Variants in AMMECR1 observed in about 807,000 individuals in gnomAD.
AMMECR1 encodes the protein AMMECR nuclear protein 1, also known as nuclear protein AMMECR1.
AMMECR1 carries 3 observed loss-of-function variants against 22.5 expected under a neutral mutation model. That is an observed-to-expected ratio of 0.13 (90% CI 0.06 to 0.35). The LOEUF is 0.35. AMMECR1 is among the 10% of genes least tolerant of loss of function. AMMECR1 has a pLI of 1.00. For missense variants in AMMECR1, 235 were observed against 278.7 expected, an observed-to-expected ratio of 0.84 and a Z score of 1.12; for synonymous variants, 130 against 116.7, an observed-to-expected ratio of 1.11 and a Z score of -0.74.
At chrX:110,403,455 G>C (rs939501051) in intron 2 of AMMECR1, among the ~76,000 whole-genome samples, 9 of 111,559 alleles carry the variant, frequency 8.1e-5, no homozygotes, top group Non-Finnish European at 1.3e-4. Context: ...CAGACAGACA[G>C]ACACACACAC....
intron 2 of AMMECR1, among the ~76,000 whole-genome samples, chrX:110,249,708 T>C (rs2067677180): frequency 8.9e-6 from 1 of 111,994 alleles, no homozygotes; most frequent in Admixed American, 9.5e-5. Context: ...GAGACTATCC[T>C]GGCCAACATT....
At chrX:110,290,694 A>T (rs1308805652) in intron 1 of AMMECR1, among the ~76,000 whole-genome samples, 1 of 111,482 alleles carries the variant, frequency 9.0e-6, no homozygotes, top group African/African-American at 3.3e-5. Flanking sequence ...AATCAATGGC[A>T]TACAGAAGTT....
chrX:110,308,027 G>A (rs1379650063), intron 1 of AMMECR1, among the ~76,000 whole-genome samples: 1 of 107,120 alleles, frequency 9.3e-6, no homozygotes, highest in Non-Finnish European at 1.9e-5. Context: ...ATGCCATCAT[G>A]CTCAGCTAAG....
chrX:110,433,239 C>T (rs950784305), intron 1 of AMMECR1, among the ~76,000 whole-genome samples: 1 of 112,547 alleles, frequency 8.9e-6, no homozygotes, highest in Non-Finnish European at 1.9e-5. Context: ...TGTGCTGGTG[C>T]TTATGGGAGA....
chrX:110,227,481 A>G (rs1419518008), intron 2 of AMMECR1, among the ~76,000 whole-genome samples: 1 of 112,641 alleles, frequency 8.9e-6, no homozygotes, highest in African/African-American at 3.2e-5. Flanking sequence ...ACTGAGAAGG[A>G]GAAAGAGAAA....
chrX:110,291,029 A>C (rs1434031248), intron 1 of AMMECR1, among the ~76,000 whole-genome samples: 1 of 111,777 alleles, frequency 8.9e-6, no homozygotes, highest in African/African-American at 3.3e-5. Context: ...TTAAAAATTC[A>C]CTGCTCTTAA....
intron 1 of AMMECR1, chrX:110,309,394 G>A (rs1403688379): frequency 8.9e-6 from 1 of 111,976 alleles, no homozygotes; most frequent in Non-Finnish European, 1.9e-5. Context: ...CGAATGGCAA[G>A]GTGAACTATA....
intron 2 of AMMECR1, among the ~76,000 whole-genome samples, chrX:110,338,705 T>C (rs758341981): frequency 8.9e-6 from 1 of 111,782 alleles, no homozygotes; most frequent in Admixed American, 9.5e-5. Context: ...ATCCACTCAA[T>C]GGATTTTGTT....
intron 2 of AMMECR1, among the ~76,000 whole-genome samples, chrX:110,418,505 G>A (rs1049112679): frequency 8.9e-6 from 1 of 112,010 alleles, no homozygotes; most frequent in Non-Finnish European, 1.9e-5. Flanking sequence ...AGGGCCAAAT[G>A]AGTTTTTCCA....
chrX:110,332,977 G>A (rs2148235052), intron 2 of AMMECR1, among the ~76,000 whole-genome samples: 1 of 111,990 alleles, frequency 8.9e-6, no homozygotes, highest in South Asian at 3.8e-4. Context: ...ACTAGTCCGT[G>A]AGGATGCCAG....
intron 2 of AMMECR1, among the ~76,000 whole-genome samples, chrX:110,332,917 C>G (rs1047574742): frequency 9.0e-6 from 1 of 111,415 alleles, no homozygotes; most frequent in Non-Finnish European, 1.9e-5. Flanking sequence ...AAAGAAGATA[C>G]AAGATCTCAA....
At chrX:110,318,433 G>T (rs998106919), upstream of AMMECR1, among the ~76,000 whole-genome samples, 4 of 111,015 alleles carry the variant, frequency 3.6e-5, no homozygotes, top group African/African-American at 1.3e-4. Flanking sequence ...GCGGAAAGTG[G>T]GAGCAAAGGG....
intron 3 of AMMECR1, among the ~76,000 whole-genome samples, chrX:110,214,862 A>G (rs1275371947): frequency 9.0e-6 from 1 of 111,292 alleles, no homozygotes; most frequent in African/African-American, 3.3e-5. Context: ...TACTACATAC[A>G]CAACACCCTG....
intron 2 of AMMECR1, among the ~76,000 whole-genome samples, chrX:110,251,886 G>A (rs928711316): frequency 8.9e-5 from 10 of 111,751 alleles, no homozygotes; most frequent in Middle Eastern, 4.6e-3. Flanking sequence ...GAAAATTCCT[G>A]CCTACCTACA....
At chrX:110,429,484 T>G (rs1429222134) in intron 1 of AMMECR1, among the ~76,000 whole-genome samples, 8 of 95,935 alleles carry the variant, frequency 8.3e-5, no homozygotes, top group Non-Finnish European at 1.5e-4. Flanking sequence ...GTTTTGTTTT[T>G]TTGGTTTTTT....
At chrX:110,278,310 G>A (rs1354804636) in intron 1 of AMMECR1, among the ~76,000 whole-genome samples, 1 of 111,905 alleles carries the variant, frequency 8.9e-6, no homozygotes, top group Non-Finnish European at 1.9e-5. Flanking sequence ...GCAAAGCTTT[G>A]ATAGTTAAAT....
intron 2 of AMMECR1, among the ~76,000 whole-genome samples, chrX:110,366,876 T>C (rs773001824): frequency 8.9e-6 from 1 of 112,211 alleles, no homozygotes; most frequent in African/African-American, 3.2e-5. Context: ...ATCCATTCAT[T>C]CTTGAATGCT....
intron 2 of AMMECR1, among the ~76,000 whole-genome samples, chrX:110,325,562 G>C (rs2068094734): frequency 9.0e-6 from 1 of 111,634 alleles, no homozygotes; most frequent in Non-Finnish European, 1.9e-5. Context: ...ATTTCTTCTG[G>C]TTTATCTAAT....
intron 2 of AMMECR1, among the ~76,000 whole-genome samples, chrX:110,261,690 T>C (rs1380414211): frequency 8.9e-6 from 1 of 111,857 alleles, no homozygotes; most frequent in Non-Finnish European, 1.9e-5. Flanking sequence ...GATTTTCCTG[T>C]TGCAAAATTT....
Sources: gnomAD v4.1 joint callset for allele counts (sites outside exome capture counted in the v4.1 genomes callset) on GRCh38, gnomAD v4.1.1 for gene constraint, MANE v1.5 for transcripts, NCBI Gene and HGNC (gene_info 2026-07-23, HGNC 2026-07-21) for gene names.